Variants in MBNL2 observed in about 807,000 individuals in gnomAD.
The protein encoded by MBNL2 is muscleblind-like protein 2.
Under a neutral mutation model 41.9 loss-of-function variants are expected in MBNL2, and 17 were observed. The observed-to-expected ratio is 0.41, with a 90% CI of 0.28 to 0.61. The LOEUF (loss-of-function observed/expected upper bound fraction) is 0.61. MBNL2 is among the 20% of genes least tolerant of loss of function. The pLI is 0.35. For missense variants in MBNL2, 336 were observed against 505.6 expected, an observed-to-expected ratio of 0.66 and a Z score of 3.22; for synonymous variants, 195 against 182.9, an observed-to-expected ratio of 1.07 and a Z score of -0.53.
intron 4 of MBNL2, among the ~76,000 whole-genome samples, chr13:97,343,642 A>C (rs2061599092): frequency 1.3e-5 from 2 of 152,306 alleles, no homozygotes; most frequent in Admixed American, 6.5e-5. Context: ...ACTCAGGGAC[A>C]CTGGTGGGAG....
At chr13:97,166,833 T>TAGAAAGAAAGAAAGAA in the MBNL2 span, among the ~76,000 whole-genome samples, 2 of 110,670 alleles carry the variant, frequency 1.8e-5, no homozygotes, top group Non-Finnish European at 3.9e-5. Context: ...GATAGATAGA[T>TAGAAAGAAAGAAAGAA]AGATAGAAAG....
At chr13:97,250,776 C>T (rs2046357816) in intron 1 of MBNL2, among the ~76,000 whole-genome samples, 1 of 152,138 alleles carries the variant, frequency 6.6e-6, no homozygotes, top group Non-Finnish European at 1.5e-5. Context: ...TCATTACAAT[C>T]CTCTCCTCCA....
At chr13:97,170,384 T>C in the MBNL2 span, among the ~76,000 whole-genome samples, 1 of 152,336 alleles carries the variant, frequency 6.6e-6, no homozygotes, top group South Asian at 2.1e-4. Flanking sequence ...GCCCAATTAG[T>C]TTCCCTGCCA....
intron 2 of MBNL2, among the ~76,000 whole-genome samples, chr13:97,328,555 T>C (rs540219327): frequency 6.6e-6 from 1 of 152,200 alleles, no homozygotes. Context: ...GAAAATCAGG[T>C]TGGGATTCCA....
chr13:97,297,097 CCTT>C (rs1261293086), intron 2 of MBNL2, among the ~76,000 whole-genome samples: 1 of 152,168 alleles, frequency 6.6e-6, no homozygotes, highest in Non-Finnish European at 1.5e-5. Context: ...CTTTTCCACT[CCTT>C]CTGCACATTC....
chr13:97,272,010 C>A (rs1051412562), intron 1 of MBNL2, among the ~76,000 whole-genome samples: 1 of 152,120 alleles, frequency 6.6e-6, no homozygotes, highest in African/African-American at 2.4e-5. Flanking sequence ...TACTGTCTTC[C>A]ACAATGGTTG....
At chr13:97,276,924 C>T (rs1370616196) in intron 2 of MBNL2, among the ~76,000 whole-genome samples, 1 of 151,942 alleles carries the variant, frequency 6.6e-6, no homozygotes, top group Admixed American at 6.6e-5. Flanking sequence ...ACTTGAGAAT[C>T]TACTTCATGT....
At chr13:97,170,344 A>G in the MBNL2 span, among the ~76,000 whole-genome samples, 1 of 152,218 alleles carries the variant, frequency 6.6e-6, no homozygotes, top group Admixed American at 6.5e-5. Flanking sequence ...AGTAATAATT[A>G]TGGAACATAA....
chr13:97,286,066 C>T (rs947513638), intron 2 of MBNL2, among the ~76,000 whole-genome samples: 3 of 152,328 alleles, frequency 2.0e-5, no homozygotes, highest in Admixed American at 6.5e-5. Flanking sequence ...TCCAATCCAA[C>T]GACCATAAAC....
intron 2 of MBNL2, among the ~76,000 whole-genome samples, chr13:97,312,341 C>T (rs1488840813): frequency 6.6e-6 from 1 of 152,188 alleles, no homozygotes; most frequent in South Asian, 2.1e-4. Flanking sequence ...CTTCTACTTG[C>T]AGCATTTCTT....
At chr13:97,155,809 G>A in the MBNL2 span, among the ~76,000 whole-genome samples, 2 of 151,348 alleles carry the variant, frequency 1.3e-5, no homozygotes, top group Admixed American at 1.3e-4. Context: ...TTGGACATTT[G>A]GGTTGGTTCC....
chr13:97,287,075 T>C (rs777009747), intron 2 of MBNL2, among the ~76,000 whole-genome samples: 6 of 152,222 alleles, frequency 3.9e-5, no homozygotes, highest in Non-Finnish European at 8.8e-5. Context: ...ACTCAGTTTT[T>C]CCCATTAATG....
chr13:97,368,610 G>A (rs1191036551), intron 8 of MBNL2, among the ~76,000 whole-genome samples: 1 of 119,000 alleles, frequency 8.4e-6, no homozygotes, highest in East Asian at 2.9e-4. Context: ...TTGACCATGT[G>A]TCATATATAT....
intron 8 of MBNL2, among the ~76,000 whole-genome samples, chr13:97,385,312 T>C (rs1238907415): frequency 1.3e-5 from 2 of 152,190 alleles, no homozygotes; most frequent in African/African-American, 2.4e-5. Flanking sequence ...TGAGATTCCA[T>C]GTTAGTGACA....
intron 2 of MBNL2, among the ~76,000 whole-genome samples, chr13:97,296,478 T>C (rs1178847574): frequency 6.6e-6 from 1 of 152,172 alleles, no homozygotes; most frequent in South Asian, 2.1e-4. Flanking sequence ...GAAACTGTTT[T>C]TCCCCCCAGA....
At chr13:97,231,667 A>C (rs1713252725) in intron 1 of MBNL2, among the ~76,000 whole-genome samples, 1 of 152,182 alleles carries the variant, frequency 6.6e-6, no homozygotes, top group African/African-American at 2.4e-5. Context: ...GACTACACAC[A>C]GCCTGTCTCT....
At chr13:97,199,984 C>A in the MBNL2 span, among the ~76,000 whole-genome samples, 1 of 152,244 alleles carries the variant, frequency 6.6e-6, no homozygotes, top group African/African-American at 2.4e-5. Context: ...GTCTTTGGAT[C>A]TGCCAGACTG....
chr13:97,306,239 G>A (rs2058111478), intron 2 of MBNL2, among the ~76,000 whole-genome samples: 1 of 152,186 alleles, frequency 6.6e-6, no homozygotes, highest in Non-Finnish European at 1.5e-5. Context: ...CTTAACCCTT[G>A]CTCACTGCAG....
the MBNL2 span, among the ~76,000 whole-genome samples, chr13:97,146,471 G>A: frequency 6.6e-6 from 1 of 152,138 alleles, no homozygotes; most frequent in African/African-American, 2.4e-5. Context: ...TGAAAAATGA[G>A]CACAGAAGGA....
Sources: allele counts gnomAD v4.1 joint callset (sites outside exome capture counted in the v4.1 genomes callset), GRCh38; gene constraint gnomAD v4.1.1; transcripts MANE v1.5; gene names NCBI Gene and HGNC (gene_info 2026-07-23, HGNC 2026-07-21).